The following TAMM41 variants were observed in gnomAD, a reference collection of about 807,000 sequenced individuals.
TAMM41 encodes phosphatidate cytidylyltransferase, mitochondrial.
Under a neutral mutation model 44.1 loss-of-function variants are expected in TAMM41, and 36 were observed. The ratio of observed to expected loss-of-function variants is 0.82; its 90% CI spans 0.63 to 1.08. The LOEUF (loss-of-function observed/expected upper bound fraction) is 1.08, where lower values mean the gene tolerates loss of function less well. TAMM41 is among the 50% of genes least tolerant of loss of function. The pLI, the probability that TAMM41 is intolerant of heterozygous loss-of-function variation, is 0.00. For synonymous variants in TAMM41, 164 were observed against 153.1 expected, an observed-to-expected ratio of 1.07 and a Z score of -0.53; for missense variants, 417 against 404.3, an observed-to-expected ratio of 1.03 and a Z score of -0.27.
chr3:11,770,180 G>A, the TAMM41 span, among the ~76,000 whole-genome samples: 1 of 152,172 alleles, frequency 6.6e-6, no homozygotes, highest in Non-Finnish European at 1.5e-5. Context: ...TGGCCTCTGT[G>A]GGGCTGCACA....
chr3:11,825,311 G>A (rs1378026519), intron 4 of TAMM41, among the ~76,000 whole-genome samples: 1 of 152,124 alleles, frequency 6.6e-6, no homozygotes, highest in Non-Finnish European at 1.5e-5. Context: ...ATCCCTTCAG[G>A]AGTGCTGCGT....
chr3:11,734,054 C>A, the TAMM41 span, among the ~76,000 whole-genome samples: 3 of 152,164 alleles, frequency 2.0e-5, no homozygotes, highest in Non-Finnish European at 2.9e-5. Context: ...TGGTGAGAAC[C>A]AGTCACATGG....
the TAMM41 span, among the ~76,000 whole-genome samples, chr3:11,756,944 G>T: frequency 1.3e-5 from 2 of 151,650 alleles, no homozygotes; most frequent in Non-Finnish European, 2.9e-5. Context: ...TCCATTTCCT[G>T]TCAGAAAGGA....
chr3:11,786,978 C>T (rs116777130), downstream of TAMM41, among the ~76,000 whole-genome samples: 126 of 152,326 alleles, frequency 8.3e-4, no homozygotes, highest in African/African-American at 2.9e-3. Flanking sequence ...TAGGCAGGTC[C>T]TGCTTGGGCT....
the TAMM41 span, among the ~76,000 whole-genome samples, chr3:11,772,505 T>A: frequency 6.6e-6 from 1 of 152,190 alleles, no homozygotes; most frequent in Non-Finnish European, 1.5e-5. Context: ...CAGTTCCATG[T>A]TGCTGCAAAA....
intron 4 of TAMM41, among the ~76,000 whole-genome samples, chr3:11,821,876 C>G (rs1340621929): frequency 6.6e-6 from 1 of 152,118 alleles, no homozygotes; most frequent in East Asian, 1.9e-4. Context: ...AAAATACCCC[C>G]AAACCTGGAA....
intron 4 of TAMM41, among the ~76,000 whole-genome samples, chr3:11,818,662 C>G (rs371385007): frequency 6.6e-6 from 1 of 151,984 alleles, no homozygotes; most frequent in Non-Finnish European, 1.5e-5. Flanking sequence ...TTTGGGAAGC[C>G]GAGGCAGGCG....
intron 3 of TAMM41, among the ~76,000 whole-genome samples, chr3:11,831,277 A>G (rs1388830293): frequency 1.3e-5 from 2 of 152,186 alleles, no homozygotes; most frequent in Admixed American, 1.3e-4. Context: ...TGAAAAATGT[A>G]CATTTCTAAC....
At chr3:11,743,365 G>A in the TAMM41 span, among the ~76,000 whole-genome samples, 23,658 of 147,386 alleles carry the variant, frequency 0.16, 2,150 homozygotes, top group Middle Eastern at 0.21. Flanking sequence ...AGGAAGTCTC[G>A]CTCTGTTGCC....
the TAMM41 span, among the ~76,000 whole-genome samples, chr3:11,730,517 G>A: frequency 2.0e-5 from 3 of 152,084 alleles, no homozygotes; most frequent in South Asian, 2.1e-4. Context: ...GGTGGATCAC[G>A]AGGTCAGGAG....
intron 3 of TAMM41, among the ~76,000 whole-genome samples, chr3:11,832,616 G>A (rs1328249811): frequency 6.6e-6 from 1 of 152,094 alleles, no homozygotes; most frequent in East Asian, 1.9e-4. Flanking sequence ...AGGCCTGGAG[G>A]GGTTAAAGGG....
At chr3:11,814,433 T>G (rs2124975559) in intron 5 of TAMM41, among the ~76,000 whole-genome samples, 1 of 151,698 alleles carries the variant, frequency 6.6e-6, no homozygotes, top group Non-Finnish European at 1.5e-5. Flanking sequence ...AATTAAAAAT[T>G]TAGTAGAAGT....
chr3:11,824,069 T>C (rs1268794476), intron 4 of TAMM41, among the ~76,000 whole-genome samples: 2 of 151,634 alleles, frequency 1.3e-5, no homozygotes, highest in Non-Finnish European at 2.9e-5. Flanking sequence ...TCAAGTGATC[T>C]ACCAGCCTTG....
chr3:11,722,580 A>G, the TAMM41 span, among the ~76,000 whole-genome samples: 7 of 152,368 alleles, frequency 4.6e-5, no homozygotes, highest in East Asian at 1.3e-3. Flanking sequence ...AAAATTAAAA[A>G]TAATTTTAGT....
At chr3:11,737,597 G>A in the TAMM41 span, among the ~76,000 whole-genome samples, 1 of 152,086 alleles carries the variant, frequency 6.6e-6, no homozygotes, top group African/African-American at 2.4e-5. Flanking sequence ...TGGGATTACA[G>A]GTGTGAGCCA....
At chr3:11,800,871 C>A (rs1312407722) in intron 7 of TAMM41, among the ~76,000 whole-genome samples, 1 of 152,086 alleles carries the variant, frequency 6.6e-6, no homozygotes. Context: ...TTCATCAGCA[C>A]ATAAAACATT....
At chr3:11,798,996 C>A (rs577104041) in intron 7 of TAMM41, among the ~76,000 whole-genome samples, 1 of 152,154 alleles carries the variant, frequency 6.6e-6, no homozygotes, top group African/African-American at 2.4e-5. Context: ...GGGAGGATCA[C>A]TTGAGCCCAG....
the TAMM41 span, among the ~76,000 whole-genome samples, chr3:11,731,499 T>TTAA: frequency 1.3e-5 from 2 of 151,876 alleles, no homozygotes; most frequent in Non-Finnish European, 2.9e-5. Context: ...TCTACAAAAA[T>TTAA]TAATAATAAT....
the TAMM41 span, among the ~76,000 whole-genome samples, chr3:11,761,946 C>CA: frequency 0.049 from 3,632 of 74,512 alleles, 116 homozygotes; most frequent in African/African-American, 0.098. Flanking sequence ...GACTCTGTCT[C>CA]AAAAAAAAAA....
Sources: gnomAD v4.1 joint callset for allele counts (sites outside exome capture counted in the v4.1 genomes callset) on GRCh38, gnomAD v4.1.1 for gene constraint, MANE v1.5 for transcripts, NCBI Gene and HGNC (gene_info 2026-07-23, HGNC 2026-07-21) for gene names.